The following SHANK2 variants were observed in gnomAD, a reference collection of about 807,000 sequenced individuals.
SHANK2 encodes SH3 and multiple ankyrin repeat domains protein 2.
SHANK2 carries 43 observed loss-of-function variants against 133.7 expected under a neutral mutation model. That is an observed-to-expected ratio of 0.32 (90% CI 0.25 to 0.41). The LOEUF (loss-of-function observed/expected upper bound fraction) is 0.41. SHANK2 is among the 10% of genes least tolerant of loss of function. The pLI is 1.00. For missense variants in SHANK2, 1,994 were observed against 2,235.8 expected, an observed-to-expected ratio of 0.89 and a Z score of 2.18; for synonymous variants, 1,017 against 952.8, an observed-to-expected ratio of 1.07 and a Z score of -1.24.
At position 70,866,894 on chromosome 11, in the gene SHANK2, T is replaced by C. The variant is rs1484318820; in HGVS notation, c.1174+29607A>G. Among the ~76,000 whole-genome samples the C allele has an allele frequency of 2.0e-5, 3 of 152,140 alleles. No homozygotes were observed. In the East Asian group the frequency reaches 5.9e-4, roughly 30 times the overall value. On this transcript the variant is annotated intron_variant, in intron 11 of 25. Transcript: ENST00000601538. Reference sequence around the variant, plus strand: ...GCTTCATGACGGCCCTCGCTGGTCTTGAGAGCATCTCTAGGTAACACAGGA... The same window carrying C: ...GCTTCATGACGGCCCTCGCTGGTCTCGAGAGCATCTCTAGGTAACACAGGA...
intron 17 of SHANK2, among the ~76,000 whole-genome samples, chr11:70,639,669 T>G (rs2061151423): frequency 6.6e-6 from 1 of 152,100 alleles, no homozygotes; most frequent in Non-Finnish European, 1.5e-5. Context: ...ATTAATTGGG[T>G]AAAGCCAAAT....
intron 25 of SHANK2, among the ~76,000 whole-genome samples, chr11:70,478,295 T>C (rs1351740891): frequency 6.6e-6 from 1 of 152,028 alleles, no homozygotes; most frequent in African/African-American, 2.4e-5. Flanking sequence ...GCTCTTTAAC[T>C]GTAGCTGAAC....
At chr11:70,635,141 T>C (rs489717) in intron 17 of SHANK2, 66,801 of 152,110 alleles carry the variant, frequency 0.44, 15,191 homozygotes, top group Middle Eastern at 0.52. Context: ...GAACATGGCA[T>C]GGCTGCTCCT....
At chr11:70,730,583 G>A (rs1296639786) in intron 14 of SHANK2, among the ~76,000 whole-genome samples, 2 of 152,136 alleles carry the variant, frequency 1.3e-5, no homozygotes, top group African/African-American at 4.8e-5. Context: ...TGCCTGATGA[G>A]CTGATGTCTC....
At chr11:70,805,878 G>A (rs945013969) in intron 13 of SHANK2, among the ~76,000 whole-genome samples, 2 of 152,188 alleles carry the variant, frequency 1.3e-5, no homozygotes, top group African/African-American at 4.8e-5. Flanking sequence ...ATGATCTAAT[G>A]TAAAGAAAAA....
At chr11:70,589,687 G>A (rs1181261942) in intron 17 of SHANK2, among the ~76,000 whole-genome samples, 1 of 152,174 alleles carries the variant, frequency 6.6e-6, no homozygotes, top group Non-Finnish European at 1.5e-5. Context: ...TTCTGGAAAG[G>A]ATTCACCATT....
rs1276056577 is a variant in SHANK2 at position 70,492,364 on chromosome 11, G to A, written c.2410C>T (p.Arg804Trp). 20 of 1,612,614 alleles carry A rather than the reference G, an allele frequency of 1.2e-5. No individual in the cohort carries two copies. Among genetic ancestry groups the A allele is most frequent in the Non-Finnish European group, 1.7e-5 (20 of 1,180,012 alleles). The part of the protein sequence containing the change: ...VATIKQRPSS[R>W]CFPAGSDMNS... Reference sequence around the variant, plus strand: ...ATGTCTGAGCCCGCCGGGAAGCACCGGCTGCTGGGCCGCTGCTTGATGGTC... The same window carrying A: ...ATGTCTGAGCCCGCCGGGAAGCACCAGCTGCTGGGCCGCTGCTTGATGGTC... The change falls in exon 22 of 26, where the codon CGG (arginine) becomes TGG (tryptophan). Residue 804 changes from arginine to tryptophan, a missense_variant. Arg to Trp is a moderately radical substitution (Grantham distance 101). This residue lies in a region of SHANK2 where 488 missense variants were observed against 642.6 expected (regional missense o/e 0.76). Coordinates refer to ENST00000601538, the MANE Select transcript of SHANK2 (RefSeq NM_012309.5).
chr11:71,163,093 A>AAACAAATATATATAT, intron 2 of SHANK2, among the ~76,000 whole-genome samples: 1 of 84,678 alleles, frequency 1.2e-5, no homozygotes, highest in African/African-American at 4.6e-5. Context: ...AAAAAAAAAA[A>AAACAAATATATATAT]ATACATATAT....
chr11:70,839,365 CA>C (rs1358796961), intron 11 of SHANK2, among the ~76,000 whole-genome samples: 2 of 152,236 alleles, frequency 1.3e-5, no homozygotes, highest in Non-Finnish European at 2.9e-5. Flanking sequence ...CTCCCCACCC[CA>C]CTCCACAGCC....
chr11:70,562,192 T>C (rs1400464423), intron 17 of SHANK2, among the ~76,000 whole-genome samples: 1 of 152,246 alleles, frequency 6.6e-6, no homozygotes, highest in Non-Finnish European at 1.5e-5. Flanking sequence ...CCAAATTTAT[T>C]GAGACTTGTT....
chr11:70,940,193 T>TCCTG (rs1555084117), intron 10 of SHANK2, among the ~76,000 whole-genome samples: 161 of 15,132 alleles, frequency 0.011, 2 homozygotes, highest in Non-Finnish European at 0.022. Context: ...CTTACTTCCT[T>TCCTG]CCTTCCTGCC....
intron 14 of SHANK2, among the ~76,000 whole-genome samples, chr11:70,722,238 G>A (rs551086269): frequency 1.4e-4 from 21 of 152,378 alleles, no homozygotes; most frequent in South Asian, 1.0e-3. Flanking sequence ...CAGCAGTCAG[G>A]CTCTGCTGAT....
rs114218467 is a variant in SHANK2, at chr11:70,828,715, C to T, written c.1175-8033G>A. ...GCTGGCGAGCGCTGGGAGGCTGAGACGGGGATGCCACCGTGTCCGTATTGG... is the reference window on the plus strand; with the variant it reads ...GCTGGCGAGCGCTGGGAGGCTGAGATGGGGATGCCACCGTGTCCGTATTGG... On this transcript the variant is annotated intron_variant, in intron 11 of 25. Coordinates refer to ENST00000601538, the MANE Select transcript of SHANK2 (RefSeq NM_012309.5). Among the ~76,000 whole-genome samples the T allele has an allele frequency of 2.8e-3, 426 of 152,326 alleles. 2 individuals are homozygous for T. The highest frequency in any genetic ancestry group is 9.6e-3 in the African/African-American group (398 of 41,566).
intron 6 of SHANK2, 117 bp from the exon 7 acceptor site, chr11:71,094,805 G>T: frequency 8.7e-7 from 1 of 1,154,218 alleles, no homozygotes; most frequent in Non-Finnish European, 1.2e-6. Flanking sequence ...CACCTCCAGG[G>T]TGTTTACAGC....
chr11:70,808,914 G>A (rs1205771824), intron 12 of SHANK2, among the ~76,000 whole-genome samples: 1 of 152,172 alleles, frequency 6.6e-6, no homozygotes, highest in Admixed American at 6.5e-5. Flanking sequence ...GCAGTTCCCA[G>A]CGGCCCCAGC....
chr11:70,608,061 G>A (rs1224101471), intron 17 of SHANK2, among the ~76,000 whole-genome samples: 3 of 152,198 alleles, frequency 2.0e-5, no homozygotes, highest in Non-Finnish European at 2.9e-5. Flanking sequence ...CGCCATGTCC[G>A]ATTCCTGCTG....
chr11:70,555,843 C>T lies in SHANK2; in HGVS notation c.2062-52912G>A, dbSNP rs374030841. Among the ~76,000 whole-genome samples the T allele has an allele frequency of 2.0e-4, 31 of 152,318 alleles. No homozygotes were observed. The South Asian group carries it at 3.5e-3, about 17-fold the overall frequency. ...CAGTGGTCTGGATAGAAAATCAAGCCGGTCACAACATTCCCTTAAACCAAA... is the reference window on the plus strand; with the variant it reads ...CAGTGGTCTGGATAGAAAATCAAGCTGGTCACAACATTCCCTTAAACCAAA... On this transcript the variant is annotated intron_variant, in intron 17 of 25. Coordinates refer to ENST00000601538, the MANE Select transcript of SHANK2 (RefSeq NM_012309.5).
At chr11:70,492,930 G>T (rs2058915419) in intron 21 of SHANK2, among the ~76,000 whole-genome samples, 1 of 151,648 alleles carries the variant, frequency 6.6e-6, no homozygotes, top group African/African-American at 2.4e-5. Flanking sequence ...AGAGTAGCTG[G>T]GATTACAGGC....
chr11:70,676,890 C>T (rs1217324134), intron 15 of SHANK2, among the ~76,000 whole-genome samples: 1 of 152,144 alleles, frequency 6.6e-6, no homozygotes, highest in Non-Finnish European at 1.5e-5. Flanking sequence ...GTCACAACCC[C>T]TCATCTCAAA....
Sources: gnomAD v4.1 joint callset for allele counts (sites outside exome capture counted in the v4.1 genomes callset) on GRCh38, gnomAD v4.1.1 for gene constraint, gnomAD v4.1.1 regional missense constraint, MANE v1.5 for transcripts, NCBI Gene and HGNC (gene_info 2026-07-23, HGNC 2026-07-21) for gene names.